The following DNAJB7 variants were observed in gnomAD, a reference collection of about 807,000 sequenced individuals.
DNAJB7 encodes the protein dnaJ homolog subfamily B member 7.
DNAJB7 carries 1 observed loss-of-function variant against 1.2 expected under a neutral mutation model. That is an observed-to-expected ratio of 0.84 (90% CI 0.30 to 4.01). The LOEUF is 4.01. Among genes scored for constraint, DNAJB7 ranks in the 30% most tolerant of loss-of-function variants. The pLI is 0.18. For missense variants in DNAJB7, 420 were observed against 358.5 expected, an observed-to-expected ratio of 1.17 and a Z score of -1.39; for synonymous variants, 128 against 127.7, an observed-to-expected ratio of 1.00 and a Z score of -0.01.
chr22:40,861,662 G>A lies in DNAJB7; in HGVS notation c.333C>T (p.Phe111=), dbSNP rs778884988. The A allele has an allele frequency of 1.2e-6, 2 of 1,614,074 alleles. No homozygotes were observed. The highest frequency in any genetic ancestry group is 1.1e-5 in the South Asian group (1 of 91,072). Residue 111 remains phenylalanine, a synonymous_variant, in exon 1 of 1, where the codon TTC becomes TTT. Coordinates refer to ENST00000307221, the MANE Select transcript of DNAJB7 (RefSeq NM_145174.2). Reference sequence around the variant, plus strand: ...ACAGGTCCTCAAGCGAGTCTTCAAAGAAGTGAAAAGAAAATGGATCCCTTT... The same window carrying A: ...ACAGGTCCTCAAGCGAGTCTTCAAAAAAGTGAAAAGAAAATGGATCCCTTT... ...FHERDPFSFH[F]FEDSLEDLLN...
At position 40,860,443 on chromosome 22, in the gene DNAJB7, A is replaced by G. The variant is rs1286060528; in HGVS notation, c.*622T>C. ...TAATTTGTAGTACCTTTAAGTTATAATGCATCAAATGCTGTTCCTCCATTG... is the reference window on the plus strand; with the variant it reads ...TAATTTGTAGTACCTTTAAGTTATAGTGCATCAAATGCTGTTCCTCCATTG... On this transcript the variant is annotated 3_prime_UTR_variant, in exon 1 of 1. Coordinates refer to ENST00000307221, the MANE Select transcript of DNAJB7 (RefSeq NM_145174.2). The G allele has an allele frequency of 8.7e-6, 3 of 344,836 alleles. No individual in the cohort carries two copies. The highest frequency in any genetic ancestry group is 4.7e-5 in the Admixed American group (1 of 21,282). 21.4% of individuals were successfully genotyped at this position (344,836 alleles called of 1,614,324 possible).
Position 40,861,606 on chromosome 22 carries a change from C to T in DNAJB7, c.389G>A (p.Arg130Lys). ...GAAAAAGTATCCTGCATCTCTGTTT[C>T]TGTTTCCATAGGAGCTTCCTGGACG... ...LNRPGSSYGN[R>K]NRDAGYFFST... is the part of the protein sequence containing the mutation. The change falls in exon 1 of 1, where the codon AGA becomes AAA. Residue 130 changes from arginine to lysine, a missense_variant. Coordinates refer to ENST00000307221, the MANE Select transcript of DNAJB7 (RefSeq NM_145174.2). 1 of 1,612,940 alleles carries T rather than the reference C, an allele frequency of 6.2e-7. No homozygotes were observed. The highest frequency in any genetic ancestry group is 8.5e-7 in the Non-Finnish European group (1 of 1,179,706).
rs936336491 is a variant in DNAJB7 at position 40,860,808 on chromosome 22, A to G, written c.*257T>C. ...TGGGACTACAGGTGCACACCACCAC[A>G]CTTGGCTAATTTTTAAATTTTTTGT... On this transcript the variant is annotated 3_prime_UTR_variant, in exon 1 of 1. Coordinates refer to ENST00000307221, the MANE Select transcript of DNAJB7 (RefSeq NM_145174.2). 3.1e-6 allele frequency: 2 copies of G among 638,726 alleles called. No homozygotes were observed. The highest frequency in any genetic ancestry group is 2.3e-5 in the South Asian group (1 of 43,412). The allele number at this position is 638,726 out of a possible 1,614,324, so 39.6% of individuals were successfully genotyped here.
chr22:40,860,683 T>TA lies in DNAJB7; in HGVS notation c.*381dup. ...TTTTTTTTTTTTTAAGACAGGGTCT[T>TA]ACTTTGTCACCCAAGCTGGAGTGCA... On this transcript the variant is annotated 3_prime_UTR_variant, in exon 1 of 1. Coordinates refer to ENST00000307221, the MANE Select transcript of DNAJB7 (RefSeq NM_145174.2). 8.2e-7 allele frequency: 1 copy of TA among 1,214,644 alleles called. No individual in the cohort carries two copies. Among genetic ancestry groups the TA allele is most frequent in the South Asian group, 1.5e-5 (1 of 67,808 alleles). The allele number at this position is 1,214,644 out of a possible 1,614,324, so 75.2% of individuals were successfully genotyped here.
Position 40,861,985 on chromosome 22 carries a change from A to G in DNAJB7, c.10T>C (p.Tyr4His), listed in dbSNP as rs1457629129. 1 of 1,592,506 alleles carries G rather than the reference A, an allele frequency of 6.3e-7. No individual in the cohort carries two copies. Among genetic ancestry groups the G allele is most frequent in the Non-Finnish European group, 8.5e-7 (1 of 1,172,298 alleles). Residue 4 changes from tyrosine (Y) to histidine (H), a missense_variant, in exon 1 of 1, where the codon TAC becomes CAC. Tyr to His is a moderately conservative substitution (Grantham distance 83). Transcript: ENST00000307221. ...CTTTGCAGTCCTAGAACTTCATAGT[A>G]ATCCACCATGTTTTAACAGATAGTT... MVD[Y>H]YEVLGLQRYA... is the part of the protein sequence containing the mutation.
Position 40,860,656 on chromosome 22 carries a change from C to CA in DNAJB7, c.*408_*409insT. 3.1e-5 allele frequency: 35 copies of CA among 1,131,152 alleles called. No individual in the cohort carries two copies. Among genetic ancestry groups the CA allele is most frequent in the Non-Finnish European group, 4.0e-5 (33 of 826,546 alleles). 70.1% of individuals were successfully genotyped at this position (1,131,152 alleles called of 1,614,324 possible). On this transcript the variant is annotated 3_prime_UTR_variant, in exon 1 of 1. Transcript: ENST00000307221. ...AAACTCATTGCAGTTTTCCAAATTC[C>CA]TTTTTTTTTTTTTTAAGACAGGGTC...
Position 40,861,056 on chromosome 22 carries a change from A to G in DNAJB7, c.*9T>C. Reference sequence around the variant, plus strand: ...TTGTGTTCAAATGTTATATATTTGAAGAGTCAATTTAACAATTCCTTTTGG... The same window carrying G: ...TTGTGTTCAAATGTTATATATTTGAGGAGTCAATTTAACAATTCCTTTTGG... On this transcript the variant is annotated 3_prime_UTR_variant, in exon 1 of 1. Transcript: ENST00000307221. 1 of 1,568,736 alleles carries G rather than the reference A, an allele frequency of 6.4e-7. No individual in the cohort carries two copies. Among genetic ancestry groups the G allele is most frequent in the Non-Finnish European group, 8.6e-7 (1 of 1,162,004 alleles).
Position 40,861,978 on chromosome 22 carries a change from T to G in DNAJB7, c.17A>C (p.Glu6Ala). 1 of 1,596,954 alleles carries G rather than the reference T, an allele frequency of 6.3e-7. No individual in the cohort carries two copies. Residue 6 changes from glutamate to alanine, a missense_variant, in exon 1 of 1, where the codon GAA becomes GCA. Coordinates refer to ENST00000307221, the MANE Select transcript of DNAJB7 (RefSeq NM_145174.2). MVDYY[E>A]VLGLQRYASP... ...AGCATATCTTTGCAGTCCTAGAACT[T>G]CATAGTAATCCACCATGTTTTAACA...
rs373488481 is a variant in DNAJB7 at position 40,861,446 on chromosome 22, G to T, written c.549C>A (p.Asn183Lys). 8 of 1,613,960 alleles carry T rather than the reference G, an allele frequency of 5.0e-6. No homozygotes were observed. Among genetic ancestry groups the T allele is most frequent in the South Asian group, 3.3e-5 (3 of 91,058 alleles). The change falls in exon 1 of 1, where the codon AAC (asparagine) becomes AAA (lysine). Residue 183 changes from asparagine (N) to lysine (K), a missense_variant. By Grantham distance (94) the Asn-to-Lys change is moderately conservative. Transcript: ENST00000307221. ...SLAFDNSGMD[N>K]YISVTTSDKI... ...TGTCTGAAGTTGTAACAGATATGTA[G>T]TTGTCCATCCCACTATTATCAAAAG... is the stretch of plus-strand genomic sequence containing the variant.
chr22:40,861,264 A>C lies in DNAJB7; in HGVS notation c.731T>G (p.Phe244Cys), dbSNP rs1225741014. 1 of 1,614,164 alleles carries C rather than the reference A, an allele frequency of 6.2e-7. No homozygotes were observed. Among genetic ancestry groups the C allele is most frequent in the East Asian group, 2.2e-5 (1 of 44,872 alleles). Residue 244 changes from phenylalanine (F) to cysteine (C), a missense_variant, in exon 1 of 1, where the codon TTC (phenylalanine) becomes TGC (cysteine). Coordinates refer to ENST00000307221, the MANE Select transcript of DNAJB7 (RefSeq NM_145174.2). ...GTGAGAATTTGGTGAATAGTTGTTG[A>C]ATGACTGTGTTCTCCAGCTGCATTC... ...AKECSWRTQS[F>C]NNYSPNSHSS...
the DNAJB7 span, chr22:40,861,265 ATGAC>A: frequency 6.2e-7 from 1 of 1,614,190 alleles, no homozygotes; most frequent in Non-Finnish European, 8.5e-7. Flanking sequence ...TAGTTGTTGA[ATGAC>A]TGTGTTCTCC....
Position 40,860,935 on chromosome 22 carries a change from A to G in DNAJB7, c.*130T>C, listed in dbSNP as rs1007344841. The G allele has an allele frequency of 8.7e-6, 8 of 922,822 alleles. No homozygotes were observed. In the African/African-American group the frequency reaches 1.0e-4, roughly 12 times the overall value. The allele number at this position is 922,822 out of a possible 1,614,324, so 57.2% of individuals were successfully genotyped here. ...ACATACCCATTCAAAAAAACTACTA[A>G]CCAAATGTCCACAATCCTGCTAAAA... is the stretch of plus-strand genomic sequence containing the variant. On this transcript the variant is annotated 3_prime_UTR_variant, in exon 1 of 1. Coordinates refer to ENST00000307221, the MANE Select transcript of DNAJB7 (RefSeq NM_145174.2).
Position 40,861,008 on chromosome 22 carries a change from G to A in DNAJB7, c.*57C>T. ...GTATTAAGTGTTATCTACAAAATTTGTGATTAACCAAAACACACACAATTG... is the reference window on the plus strand; with the variant it reads ...GTATTAAGTGTTATCTACAAAATTTATGATTAACCAAAACACACACAATTG... On this transcript the variant is annotated 3_prime_UTR_variant, in exon 1 of 1. Transcript: ENST00000307221. 1 of 1,493,042 alleles carries A rather than the reference G, an allele frequency of 6.7e-7. No individual in the cohort carries two copies. The allele number at this position is 1,493,042 out of a possible 1,614,324, so 92.5% of individuals were successfully genotyped here. A position where few individuals can be genotyped will look rare whatever the true frequency, so the allele number is the denominator to read the frequency against.
At position 40,860,594 on chromosome 22, in the gene DNAJB7, G is replaced by T; in HGVS notation, c.*471C>A. On this transcript the variant is annotated 3_prime_UTR_variant, in exon 1 of 1. Coordinates refer to ENST00000307221, the MANE Select transcript of DNAJB7 (RefSeq NM_145174.2). The stretch of plus-strand genomic sequence containing the variant: ...GTTTTAATTAGAAAAAAGAAAAATA[G>T]GCTATAAACTCTACTAAAGAAAAAT... 6 of 1,214,278 alleles carry T rather than the reference G, an allele frequency of 4.9e-6. No individual in the cohort carries two copies. The highest frequency in any genetic ancestry group is 2.7e-5 in the East Asian group (1 of 36,964). 75.2% of individuals were successfully genotyped at this position (1,214,278 alleles called of 1,614,324 possible). A position where few individuals can be genotyped will look rare whatever the true frequency, so the allele number is the denominator to read the frequency against.
rs1238626885 is a variant in DNAJB7 at position 40,861,335 on chromosome 22, T to C, written c.660A>G (p.Thr220=). The C allele has an allele frequency of 6.2e-7, 1 of 1,614,028 alleles. No homozygotes were observed. The highest frequency in any genetic ancestry group is 1.3e-5 in the African/African-American group (1 of 74,926). The change falls in exon 1 of 1, where the codon ACA becomes ACG. Residue 220 remains threonine (T), a synonymous_variant. Transcript: ENST00000307221. ...TGGCCACACTATTTACAAGAAAAAA[T>C]GTCAACTCTCCATTATCTTCAGCTT... ...EREAEDNGEL[T]FFLVNSVANE...
chr22:40,861,027 A>C lies in DNAJB7; in HGVS notation c.*38T>G. ...AAATTTGTGATTAACCAAAACACAC[A>C]CAATTGTGTTCAAATGTTATATATT... On this transcript the variant is annotated 3_prime_UTR_variant, in exon 1 of 1. Transcript: ENST00000307221. 3 of 1,534,242 alleles carry C rather than the reference A, an allele frequency of 2.0e-6. No individual in the cohort carries two copies. Among genetic ancestry groups the C allele is most frequent in the Non-Finnish European group, 2.6e-6 (3 of 1,143,490 alleles).
rs564951283 is a variant in DNAJB7 at position 40,859,778 on chromosome 22, T to A, written c.*1287A>T. ...TTGTATTTGGCCAAAGTTGAATAAG[T>A]TTTAGTGCTGCTAGATGTAACTCAA... On this transcript the variant is annotated 3_prime_UTR_variant, in exon 1 of 1. Coordinates refer to ENST00000307221, the MANE Select transcript of DNAJB7 (RefSeq NM_145174.2). The A allele has an allele frequency of 6.6e-6, 1 of 152,338 alleles. No homozygotes were observed. Among genetic ancestry groups the A allele is most frequent in the South Asian group, 2.1e-4 (1 of 4,828 alleles). The allele number at this position is 152,338 out of a possible 1,614,324, so 9.4% of individuals were successfully genotyped here.
Position 40,860,641 on chromosome 22 carries a change from C to T in DNAJB7, c.*424G>A. On this transcript the variant is annotated 3_prime_UTR_variant, in exon 1 of 1. Coordinates refer to ENST00000307221, the MANE Select transcript of DNAJB7 (RefSeq NM_145174.2). The stretch of plus-strand genomic sequence containing the variant: ...AAATTCAAAAGTAAAAAACTCATTG[C>T]AGTTTTCCAAATTCCTTTTTTTTTT... The T allele has an allele frequency of 7.7e-7, 1 of 1,302,498 alleles. No homozygotes were observed. The highest frequency in any genetic ancestry group is 1.5e-5 in the South Asian group (1 of 66,952). 80.7% of individuals were successfully genotyped at this position (1,302,498 alleles called of 1,614,324 possible). A position where few individuals can be genotyped will look rare whatever the true frequency, so the allele number is the denominator to read the frequency against.
rs1460258827 is a variant in DNAJB7, at chr22:40,861,212, A to C, written c.783T>G (p.Thr261=). The C allele has an allele frequency of 6.2e-7, 1 of 1,614,132 alleles. No individual in the cohort carries two copies. Among genetic ancestry groups the C allele is most frequent in the Non-Finnish European group, 8.5e-7 (1 of 1,180,016 alleles). Reference sequence around the variant, plus strand: ...TACCTCCCTCATCATTGTCCACGAAAGTATATTGAGATACATGTTTGGAGC... The same window carrying C: ...TACCTCCCTCATCATTGTCCACGAACGTATATTGAGATACATGTTTGGAGC... The part of the protein sequence containing the change: ...SHSSKHVSQY[T]FVDNDEGGIS... The change falls in exon 1 of 1, where the codon ACT becomes ACG. Residue 261 remains threonine (T), a synonymous_variant. Transcript: ENST00000307221.
Sources: gnomAD v4.1 joint callset for allele counts on GRCh38, gnomAD v4.1.1 for gene constraint, MANE v1.5 for transcripts, NCBI Gene and HGNC (gene_info 2026-07-23, HGNC 2026-07-21) for gene names.